PDE4D: variants seen among roughly 807,000 people sequenced by gnomAD.
PDE4D encodes 3',5'-cyclic-AMP phosphodiesterase 4D.
PDE4D carries 24 observed loss-of-function variants against 87.4 expected under a neutral mutation model. The ratio of observed to expected loss-of-function variants is 0.27; its 90% CI spans 0.20 to 0.39. PDE4D has a LOEUF of 0.39. PDE4D is among the 10% of genes least tolerant of loss of function. The pLI is 1.00. For missense variants in PDE4D, 714 were observed against 1,041.0 expected (o/e 0.69, Z 4.32); for synonymous variants, 384 against 383.2 (o/e 1.00, Z -0.02).
chr5:59,856,147 T>A (rs1051163567), intron 1 of PDE4D, among the ~76,000 whole-genome samples: 1 of 152,130 alleles, frequency 6.6e-6, no homozygotes, highest in Non-Finnish European at 1.5e-5. Flanking sequence ...ATCTTAGAGA[T>A]CATTGAATTC....
intron 1 of PDE4D, among the ~76,000 whole-genome samples, chr5:60,363,734 A>G (rs893993250): frequency 6.6e-6 from 1 of 152,234 alleles, no homozygotes; most frequent in Non-Finnish European, 1.5e-5. Flanking sequence ...AAAGAAGCCA[A>G]TGATCTGGAG....
intron 1 of PDE4D, among the ~76,000 whole-genome samples, chr5:59,831,321 A>C: frequency 1.2e-5 from 1 of 86,090 alleles, no homozygotes; most frequent in African/African-American, 7.0e-5. Flanking sequence ...GTCATAAATT[A>C]TTCTCAAAAA....
intron 1 of PDE4D, among the ~76,000 whole-genome samples, chr5:60,502,601 C>G (rs1045598592): frequency 6.6e-6 from 1 of 152,136 alleles, no homozygotes; most frequent in Non-Finnish European, 1.5e-5. Context: ...GCCATCTTGG[C>G]TGTCCCCCTG....
At chr5:59,592,718 T>C (rs923090706) in intron 1 of PDE4D, among the ~76,000 whole-genome samples, 1 of 152,002 alleles carries the variant, frequency 6.6e-6, no homozygotes, top group African/African-American at 2.4e-5. Context: ...AAAAGCCTAA[T>C]ACTGAAATAC....
chr5:60,487,265 C>T (rs992512755), intron 1 of PDE4D, among the ~76,000 whole-genome samples: 1 of 152,318 alleles, frequency 6.6e-6, no homozygotes, highest in East Asian at 1.9e-4. Context: ...CACATACTTT[C>T]TTCTGTTATG....
At chr5:59,989,110 A>G (rs944472565) in intron 2 of PDE4D, among the ~76,000 whole-genome samples, 3 of 95,896 alleles carry the variant, frequency 3.1e-5, no homozygotes, top group Non-Finnish European at 7.2e-5. Context: ...ATATATATAT[A>G]TATATACACA....
intron 1 of PDE4D, among the ~76,000 whole-genome samples, chr5:60,254,931 C>G (rs76402232): frequency 6.1e-4 from 93 of 151,926 alleles, no homozygotes; most frequent in African/African-American, 2.2e-3. Context: ...TATTAATATA[C>G]AATGAGAGTG....
At chr5:58,978,375 C>T (rs1236345061) in intron 11 of PDE4D, among the ~76,000 whole-genome samples, 1 of 152,080 alleles carries the variant, frequency 6.6e-6, no homozygotes, top group Non-Finnish European at 1.5e-5. Flanking sequence ...TATATCGTGC[C>T]ACTGCACTCC....
At chr5:60,420,687 T>A (rs775208295) in intron 1 of PDE4D, among the ~76,000 whole-genome samples, 1 of 152,226 alleles carries the variant, frequency 6.6e-6, no homozygotes, top group African/African-American at 2.4e-5. Flanking sequence ...GTTCATCTCA[T>A]TGGGACTGAT....
chr5:59,006,706 A>G (rs12697171), intron 6 of PDE4D, among the ~76,000 whole-genome samples: 15,589 of 152,234 alleles, frequency 0.1, 1,046 homozygotes, highest in Non-Finnish European at 0.13. Flanking sequence ...AGTCCTTACC[A>G]GATACCCAAG....
chr5:59,455,588 C>T (rs193180032), intron 1 of PDE4D, among the ~76,000 whole-genome samples: 8 of 152,362 alleles, frequency 5.3e-5, no homozygotes, highest in African/African-American at 1.9e-4. Flanking sequence ...GGAGCCCCCA[C>T]ACAGAGTCCC....
intron 1 of PDE4D, among the ~76,000 whole-genome samples, chr5:59,785,210 A>C (rs1396958724): frequency 6.6e-6 from 1 of 152,230 alleles, no homozygotes; most frequent in South Asian, 2.1e-4. Flanking sequence ...CTCTTCTTTC[A>C]TAAGCATATA....
chr5:60,436,680 C>A (rs931740368), intron 1 of PDE4D, among the ~76,000 whole-genome samples: 2 of 152,078 alleles, frequency 1.3e-5, no homozygotes, highest in Admixed American at 1.3e-4. Flanking sequence ...ATTATTCATA[C>A]ATGTTTAGAA....
intron 1 of PDE4D, among the ~76,000 whole-genome samples, chr5:60,348,113 A>C (rs995304392): frequency 1.3e-5 from 2 of 148,310 alleles, no homozygotes; most frequent in Admixed American, 1.3e-4. Context: ...TCAGTGAAAC[A>C]ACAGAAGTCT....
chr5:59,479,775 T>G (rs746249114), intron 1 of PDE4D, among the ~76,000 whole-genome samples: 1 of 152,140 alleles, frequency 6.6e-6, no homozygotes, highest in Non-Finnish European at 1.5e-5. Context: ...TCTCAGCTGA[T>G]TCCAGCTGCT....
chr5:60,462,304 G>T (rs1054438686), intron 1 of PDE4D, among the ~76,000 whole-genome samples: 1 of 152,104 alleles, frequency 6.6e-6, no homozygotes, highest in Admixed American at 6.5e-5. Flanking sequence ...CTAGGCCTGA[G>T]GGGTGTTCAT....
At chr5:58,978,217 C>CTG (rs1580049434) in intron 11 of PDE4D, among the ~76,000 whole-genome samples, 3 of 146,984 alleles carry the variant, frequency 2.0e-5, no homozygotes, top group African/African-American at 5.0e-5. Context: ...GAGTTCAAGA[C>CTG]CAGCCTGGTC....
At chr5:60,048,010 G>T (rs1013006505) in intron 2 of PDE4D, among the ~76,000 whole-genome samples, 4 of 152,130 alleles carry the variant, frequency 2.6e-5, no homozygotes, top group Non-Finnish European at 5.9e-5. Flanking sequence ...AAGTCTCTTT[G>T]TAGGTCTCTC....
At chr5:59,946,545 A>G (rs1757741619) in intron 3 of PDE4D, among the ~76,000 whole-genome samples, 3 of 152,238 alleles carry the variant, frequency 2.0e-5, no homozygotes, top group South Asian at 4.1e-4. Flanking sequence ...TGGGTTCCCA[A>G]CATGCTATGC....
Sources: allele counts gnomAD v4.1 joint callset (sites outside exome capture counted in the v4.1 genomes callset), GRCh38; gene constraint gnomAD v4.1.1; transcripts MANE v1.5; gene names NCBI Gene and HGNC (gene_info 2026-07-23, HGNC 2026-07-21).